SCOC: variants seen among roughly 807,000 people sequenced by gnomAD.
SCOC encodes the protein short coiled coil protein.
In SCOC, 7 loss-of-function variants were observed where a neutral mutation model predicts 9.9. The ratio of observed to expected loss-of-function variants is 0.71; its 90% CI spans 0.40 to 1.33. SCOC has a LOEUF of 1.33. Ranked by LOEUF, SCOC falls within the 40% of genes most tolerant of loss-of-function variation. The pLI, the probability that SCOC is intolerant of heterozygous loss-of-function variation, is 0.01. For synonymous variants in SCOC, 19 were observed against 28.2 expected (o/e 0.67, Z 1.03); for missense variants, 66 against 89.7 (o/e 0.74, Z 1.07).
At chr4:140,287,620 A>T (rs1731331299) in intron 1 of SCOC, among the ~76,000 whole-genome samples, 1 of 151,828 alleles carries the variant, frequency 6.6e-6, no homozygotes, top group Non-Finnish European at 1.5e-5. Flanking sequence ...CACTACACAC[A>T]TGCATATGCA....
chr4:140,272,287 T>A (rs999587565), intron 1 of SCOC, among the ~76,000 whole-genome samples: 1 of 151,588 alleles, frequency 6.6e-6, no homozygotes, highest in Admixed American at 6.6e-5. Context: ...ACTCTTACGC[T>A]CAAGGGATTC....
intron 1 of SCOC, among the ~76,000 whole-genome samples, chr4:140,327,505 A>T: frequency 6.6e-6 from 1 of 152,232 alleles, no homozygotes; most frequent in African/African-American, 2.4e-5. Context: ...TTTTAAAAAC[A>T]TGCTTGACAC....
At chr4:140,343,727 A>G (rs766424969) in intron 2 of SCOC, 88 of 1,563,988 alleles carry the variant, frequency 5.6e-5, no homozygotes, top group Non-Finnish European at 7.2e-5. Context: ...AAAATGGATA[A>G]CTTCTCAAAC....
intron 2 of SCOC, among the ~76,000 whole-genome samples, chr4:140,347,233 A>G (rs1726777587): frequency 6.6e-6 from 1 of 152,156 alleles, no homozygotes; most frequent in Non-Finnish European, 1.5e-5. Context: ...TAAACACTTA[A>G]TATATGGAAC....
chr4:140,341,739 C>T (rs1222096619), upstream of SCOC, among the ~76,000 whole-genome samples: 1 of 152,176 alleles, frequency 6.6e-6, no homozygotes, highest in Non-Finnish European at 1.5e-5. Flanking sequence ...AGCTACTGTG[C>T]TCTGAAATCC....
At chr4:140,330,541 C>A (rs1387692797) in intron 1 of SCOC, among the ~76,000 whole-genome samples, 2 of 152,190 alleles carry the variant, frequency 1.3e-5, no homozygotes, top group Admixed American at 6.5e-5. Context: ...ATAATAGGAA[C>A]ATACTGACCT....
At chr4:140,349,163 A>C (rs1230182991) in intron 2 of SCOC, among the ~76,000 whole-genome samples, 1 of 152,196 alleles carries the variant, frequency 6.6e-6, no homozygotes, top group Non-Finnish European at 1.5e-5. Flanking sequence ...GTGATGACAG[A>C]ATGACAACCA....
chr4:140,361,299 A>T (rs1727456614), intron 2 of SCOC, among the ~76,000 whole-genome samples: 1 of 151,242 alleles, frequency 6.6e-6, no homozygotes, highest in South Asian at 2.1e-4. Context: ...GCTAGAACTG[A>T]CTGTCACGTG....
At chr4:140,273,782 A>G (rs746144981) in intron 1 of SCOC, among the ~76,000 whole-genome samples, 1 of 152,262 alleles carries the variant, frequency 6.6e-6, no homozygotes, top group African/African-American at 2.4e-5. Flanking sequence ...ATTCTAAATG[A>G]CAAAAACAAG....
intron 2 of SCOC, among the ~76,000 whole-genome samples, chr4:140,353,456 G>C (rs1399393840): frequency 6.6e-6 from 1 of 150,954 alleles, no homozygotes; most frequent in Non-Finnish European, 1.5e-5. Context: ...CTGTCGCCAG[G>C]CTGGAGTGCA....
intron 1 of SCOC, among the ~76,000 whole-genome samples, chr4:140,258,853 C>A (rs776214919): frequency 5.3e-5 from 8 of 152,190 alleles, no homozygotes; most frequent in Admixed American, 1.3e-4. Context: ...GTTCTCCCAC[C>A]ATGTATCTAT....
chr4:140,286,513 A>G (rs1731273682), intron 1 of SCOC, among the ~76,000 whole-genome samples: 1 of 152,222 alleles, frequency 6.6e-6, no homozygotes, highest in Non-Finnish European at 1.5e-5. Flanking sequence ...GCAAAGACAA[A>G]GCAGAGCCAA....
At chr4:140,363,719 G>A (rs1274093350) in intron 2 of SCOC, among the ~76,000 whole-genome samples, 3 of 152,172 alleles carry the variant, frequency 2.0e-5, no homozygotes, top group Admixed American at 2.0e-4. Context: ...AGTGCTGTGA[G>A]TATCCACTTA....
intron 1 of SCOC, among the ~76,000 whole-genome samples, chr4:140,306,629 A>G (rs1404419202): frequency 2.0e-5 from 3 of 151,976 alleles, no homozygotes; most frequent in Non-Finnish European, 4.4e-5. Context: ...AAATGTGGAC[A>G]CTGCCAGAGA....
rs1728646762 is a variant in SCOC, at chr4:140,384,366, C to A, written c.*3262C>A. ...TGTGCACAGGGACTGTGTCCAGCTT[C>A]TGGAAAAGACTCGACCAAATTTTAG... On this transcript the variant is annotated 3_prime_UTR_variant, in exon 4 of 4. Coordinates refer to ENST00000608372, the MANE Select transcript of SCOC (RefSeq NM_001153484.2). 1 of 152,200 alleles carries A rather than the reference C, an allele frequency of 6.6e-6. No homozygotes were observed. The highest frequency in any genetic ancestry group is 2.4e-5 in the African/African-American group (1 of 41,442). 9.4% of individuals were successfully genotyped at this position (152,200 alleles called of 1,614,324 possible). A position where few individuals can be genotyped will look rare whatever the true frequency, so the allele number is the denominator to read the frequency against.
chr4:140,295,647 A>G (rs1442256727), intron 1 of SCOC, among the ~76,000 whole-genome samples: 1 of 152,178 alleles, frequency 6.6e-6, no homozygotes, highest in Non-Finnish European at 1.5e-5. Context: ...ACCTGCATGA[A>G]AATCACCTGG....
chr4:140,292,176 C>T (rs886873524), intron 1 of SCOC, among the ~76,000 whole-genome samples: 17 of 148,788 alleles, frequency 1.1e-4, no homozygotes, highest in East Asian at 2.0e-4. Flanking sequence ...CTGCTTCCAG[C>T]GGTACTCTTC....
intron 1 of SCOC, among the ~76,000 whole-genome samples, chr4:140,319,618 G>T (rs922289169): frequency 6.6e-6 from 1 of 151,972 alleles, no homozygotes; most frequent in Non-Finnish European, 1.5e-5. Context: ...GATGGTTTGG[G>T]GCTGTTGCAA....
intron 2 of SCOC, among the ~76,000 whole-genome samples, chr4:140,349,904 C>A (rs1021835530): frequency 6.6e-6 from 1 of 152,214 alleles, no homozygotes; most frequent in African/African-American, 2.4e-5. Flanking sequence ...CAATGCCTCA[C>A]AGCCCCTGAA....
Sources: allele counts gnomAD v4.1 joint callset (sites outside exome capture counted in the v4.1 genomes callset), GRCh38; gene constraint gnomAD v4.1.1; transcripts MANE v1.5; gene names NCBI Gene and HGNC (gene_info 2026-07-23, HGNC 2026-07-21).